The following SLC25A46 variants were observed in gnomAD, a reference collection of about 807,000 sequenced individuals.
The protein encoded by SLC25A46 is solute carrier family 25 member 46, also known as mitochondrial outer membrane protein SLC25A46.
In SLC25A46, 39 loss-of-function variants were observed where a neutral mutation model predicts 44.6. The observed-to-expected ratio is 0.87, with a 90% CI of 0.68 to 1.14. SLC25A46 has a LOEUF of 1.14. Ranked by LOEUF, SLC25A46 falls within the 50% of genes most tolerant of loss-of-function variation. The pLI is 0.00. For missense variants in SLC25A46, 547 were observed against 522.7 expected (o/e 1.05, Z -0.45); for synonymous variants, 202 against 185.8 (o/e 1.09, Z -0.71).
At chr5:110,747,671 T>C (rs1799854046) in intron 4 of SLC25A46, among the ~76,000 whole-genome samples, 2 of 152,138 alleles carry the variant, frequency 1.3e-5, no homozygotes, top group Non-Finnish European at 2.9e-5. Context: ...CATGGATTTG[T>C]AAGATACTAA....
At position 110,755,469 on chromosome 5, in the gene SLC25A46, G is replaced by A. The variant is rs775743304; in HGVS notation, c.568G>A (p.Val190Ile). 1.9e-6 allele frequency: 3 copies of A among 1,556,348 alleles called. No homozygotes were observed. In the South Asian group the frequency reaches 3.6e-5, roughly 19 times the overall value. Residue 190 changes from valine (V) to isoleucine (I), a missense_variant, in exon 6 of 8, where the codon GTT (valine) becomes ATT (isoleucine). Transcript: ENST00000355943. Reference sequence around the variant, plus strand: ...AAGTTTATTTTTATGTTTTAGGGAGGTTTTACATAAATGGAGTCCTAAACA... The same window carrying A: ...AAGTTTATTTTTATGTTTTAGGGAGATTTTACATAAATGGAGTCCTAAACA... ...ISEFTPLPREVLHKWSPKQIG... is the reference protein window; with the variant it reads ...ISEFTPLPREILHKWSPKQIG...
chr5:110,760,948 T>A lies in SLC25A46; in HGVS notation c.679-256T>A, dbSNP rs537186922. 2.2e-4 allele frequency among the ~76,000 whole-genome samples: 34 copies of A among 152,216 alleles called. 1 individual carries two copies. In the South Asian group the frequency reaches 7.0e-3, roughly 32 times the overall value. ...TCCATGTGAGTTCTAAGAAGTTTCT[T>A]GAGATGTATCCACCTACACATCTCC... On this transcript the variant is annotated intron_variant, in intron 7 of 7. Coordinates refer to ENST00000355943, the MANE Select transcript of SLC25A46 (RefSeq NM_138773.4).
chr5:110,756,935 TC>T, intron 7 of SLC25A46, 176 bp downstream of exon 7: 1 of 411,546 alleles, frequency 2.4e-6, no homozygotes, highest in East Asian at 3.7e-5. Context: ...TCCATTGGTA[TC>T]TTAAGTCACA....
Position 110,746,402 on chromosome 5 carries a change from G to A in SLC25A46, c.462+56G>A, listed in dbSNP as rs548559504. ...TTTATATAAGTGTCATTTGGGTTTA[G>A]TAATCATTAAAGCAAGAATAATTAC... On this transcript the variant is annotated intron_variant, in intron 4 of 7. Coordinates refer to ENST00000355943, the MANE Select transcript of SLC25A46 (RefSeq NM_138773.4). The A allele has an allele frequency of 5.9e-5, 72 of 1,211,258 alleles. 1 individual carries two copies. In the African/African-American group the frequency reaches 1.1e-3, roughly 18 times the overall value. The allele number at this position is 1,211,258 out of a possible 1,614,324, so 75.0% of individuals were successfully genotyped here.
At chr5:110,742,139 G>C in intron 2 of SLC25A46, 50 bp downstream of exon 2, 1 of 1,307,306 alleles carries the variant, frequency 7.6e-7, no homozygotes, top group Non-Finnish European at 1.0e-6. Context: ...TGAATTTAGA[G>C]TTTTTCTTTA....
chr5:110,761,756 T>C lies in SLC25A46; in HGVS notation c.1231T>C (p.Ser411Pro), dbSNP rs1800258365. ...AVLQITKIIY[S>P]TLLQNNI is the part of the protein sequence containing the mutation. ...TTTACAGATTACCAAAATTATTTAC[T>C]CTACACTTCTTCAAAATAACATTTG... The change falls in exon 8 of 8, where the codon TCT becomes CCT. Residue 411 changes from serine (S) to proline (P), a missense_variant. By Grantham distance (74) the Ser-to-Pro change is moderately conservative. Transcript: ENST00000355943. This position sits in a 1 kb window ranked among gnomAD's most constrained non-coding sequence, Gnocchi z 5.3. 1 of 1,610,768 alleles carries C rather than the reference T, an allele frequency of 6.2e-7. No homozygotes were observed. The highest frequency in any genetic ancestry group is 1.3e-5 in the African/African-American group (1 of 74,792).
intron 4 of SLC25A46, among the ~76,000 whole-genome samples, chr5:110,747,214 T>C (rs1242370299): frequency 6.6e-6 from 1 of 152,174 alleles, no homozygotes; most frequent in Non-Finnish European, 1.5e-5. Context: ...TGATTAAATG[T>C]CCATCACTAG....
chr5:110,744,046 T>G (rs1444774522), intron 3 of SLC25A46, among the ~76,000 whole-genome samples: 1 of 152,192 alleles, frequency 6.6e-6, no homozygotes, highest in Non-Finnish European at 1.5e-5. Context: ...ATATAATTCA[T>G]TAAAATAATA....
chr5:110,761,632 G>A lies in SLC25A46; in HGVS notation c.1107G>A (p.Met369Ile), dbSNP rs1019423413. The A allele has an allele frequency of 1.2e-6, 2 of 1,613,676 alleles. No individual in the cohort carries two copies. Among genetic ancestry groups the A allele is most frequent in the Admixed American group, 1.7e-5 (1 of 59,944 alleles). Residue 369 changes from methionine to isoleucine, a missense_variant, in exon 8 of 8, where the codon ATG (methionine) becomes ATA (isoleucine). Physicochemically the swap from Met to Ile is conservative, Grantham distance 10. Transcript: ENST00000355943. This position sits in a 1 kb window ranked among gnomAD's most constrained non-coding sequence, Gnocchi z 5.3. ...CAATTAATACACAATATGAGGGAAT[G>A]AGAGACTGTATCAATACCATAAGGC... ...VLPINTQYEGMRDCINTIRQE... is the reference protein window; with the variant it reads ...VLPINTQYEGIRDCINTIRQE...
chr5:110,739,208 C>A lies in SLC25A46; in HGVS notation c.89C>A (p.Ala30Glu), dbSNP rs868711975. The A allele has an allele frequency of 1.9e-6, 3 of 1,568,294 alleles. No homozygotes were observed. Among genetic ancestry groups the A allele is most frequent in the Admixed American group, 1.9e-5 (1 of 52,746 alleles). The change falls in exon 1 of 8, where the codon GCA (alanine) becomes GAA (glutamate). Residue 30 changes from alanine (A) to glutamate (E), a missense_variant. Coordinates refer to ENST00000355943, the MANE Select transcript of SLC25A46 (RefSeq NM_138773.4). ...CAGGGCTTTGGCGGCGCCTTCCCTG[C>A]AAGGTCCTTCAGCACCGGGTCGGAC... ...DEQGFGGAFP[A>E]RSFSTGSDLG... is the part of the protein sequence containing the mutation.
Position 110,764,929 on chromosome 5 carries a change from A to G in SLC25A46, c.*3147A>G, listed in dbSNP as rs1488071490. On this transcript the variant is annotated 3_prime_UTR_variant, in exon 8 of 8. Coordinates refer to ENST00000355943, the MANE Select transcript of SLC25A46 (RefSeq NM_138773.4). Reference sequence around the variant, plus strand: ...TGTAAATAATCTCTTTTTCTCATATAAACGGAATGCATAATGTCTTACTCT... The same window carrying G: ...TGTAAATAATCTCTTTTTCTCATATGAACGGAATGCATAATGTCTTACTCT... 6.6e-6 allele frequency: 1 copy of G among 151,950 alleles called. No individual in the cohort carries two copies. The highest frequency in any genetic ancestry group is 1.5e-5 in the Non-Finnish European group (1 of 67,918). The allele number at this position is 151,950 out of a possible 1,614,324, so 9.4% of individuals were successfully genotyped here.
Position 110,739,112 on chromosome 5 carries a change from C to T in SLC25A46, c.-8C>T. On this transcript the variant is annotated 5_prime_UTR_variant, in exon 1 of 8. Coordinates refer to ENST00000355943, the MANE Select transcript of SLC25A46 (RefSeq NM_138773.4). ...CGGGCGGGCTCGCGTCATCCTGCCC[C>T]CGCTGCGATGCATCCGCGGCGCCCG... 1 of 1,545,584 alleles carries T rather than the reference C, an allele frequency of 6.5e-7. No individual in the cohort carries two copies. Among genetic ancestry groups the T allele is most frequent in the Non-Finnish European group, 8.7e-7 (1 of 1,146,420 alleles).
intron 1 of SLC25A46, 49 bp downstream of exon 1, chr5:110,739,451 G>T: frequency 1.1e-5 from 17 of 1,498,380 alleles, no homozygotes; most frequent in African/African-American, 1.4e-5. Flanking sequence ...CTGGGGCCGC[G>T]GCTTGCGGCC....
intron 3 of SLC25A46, among the ~76,000 whole-genome samples, chr5:110,744,867 T>G (rs1052969199): frequency 6.6e-6 from 1 of 152,216 alleles, no homozygotes; most frequent in East Asian, 1.9e-4. Flanking sequence ...GCAATCTTAC[T>G]TCCTTATGTA....
chr5:110,738,417 CT>C (rs1292112183), upstream of SLC25A46, among the ~76,000 whole-genome samples: 5 of 152,206 alleles, frequency 3.3e-5, no homozygotes, highest in Non-Finnish European at 7.3e-5. Context: ...CGCGTAATTT[CT>C]AACTCCAGGA....
chr5:110,760,021 T>C (rs192618855), intron 7 of SLC25A46, among the ~76,000 whole-genome samples: 18 of 152,280 alleles, frequency 1.2e-4, no homozygotes, highest in Non-Finnish European at 2.4e-4. Flanking sequence ...TGTAGGTCCA[T>C]TGTGTACCTT....
At position 110,763,000 on chromosome 5, in the gene SLC25A46, G is replaced by C. The variant is rs2150420340; in HGVS notation, c.*1218G>C. The C allele has an allele frequency of 6.6e-6, 1 of 151,832 alleles. No individual in the cohort carries two copies. The highest frequency in any genetic ancestry group is 1.9e-4 in the East Asian group (1 of 5,146). The allele number at this position is 151,832 out of a possible 1,614,324, so 9.4% of individuals were successfully genotyped here. On this transcript the variant is annotated 3_prime_UTR_variant, in exon 8 of 8. Transcript: ENST00000355943. Reference sequence around the variant, plus strand: ...TGCCCTTGTATTTTATGGGTGAGGGGAAAAAGTACATTTGTACATTTCAAC... The same window carrying C: ...TGCCCTTGTATTTTATGGGTGAGGGCAAAAAGTACATTTGTACATTTCAAC...
In SLC25A46 at chr5:110,761,805, A is replaced by G. The variant is rs1210854735; in HGVS notation, c.*23A>G. ...TGAGATTTAGGTTCCTTCACTGAGT[A>G]GTCTGGAAGATATAATCTGGATAAT... On this transcript the variant is annotated 3_prime_UTR_variant, in exon 8 of 8. Coordinates refer to ENST00000355943, the MANE Select transcript of SLC25A46 (RefSeq NM_138773.4). The surrounding 1 kb of genome is among the most constrained non-coding windows in gnomAD (Gnocchi z 5.3). 6.5e-7 allele frequency: 1 copy of G among 1,548,444 alleles called. No individual in the cohort carries two copies. The highest frequency in any genetic ancestry group is 1.8e-5 in the Admixed American group (1 of 56,442).
chr5:110,761,930 G>C lies in SLC25A46; in HGVS notation c.*148G>C. The C allele has an allele frequency of 1.5e-6, 1 of 652,936 alleles. No individual in the cohort carries two copies. 40.4% of individuals were successfully genotyped at this position (652,936 alleles called of 1,614,324 possible). A position where few individuals can be genotyped will look rare whatever the true frequency, so the allele number is the denominator to read the frequency against. On this transcript the variant is annotated 3_prime_UTR_variant, in exon 8 of 8. Transcript: ENST00000355943. This position sits in a 1 kb window ranked among gnomAD's most constrained non-coding sequence, Gnocchi z 5.3. ...AGCCCATACTGATTATCTTGACTTT[G>C]TTTTTTAAGGCATAGGTATATATTT...
Sources: allele counts gnomAD v4.1 joint callset (sites outside exome capture counted in the v4.1 genomes callset), GRCh38; gene constraint gnomAD v4.1.1; non-coding constraint Gnocchi (gnomAD v3.1); transcripts MANE v1.5; gene names NCBI Gene and HGNC (gene_info 2026-07-23, HGNC 2026-07-21).